Variants in CCDC171 observed in about 807,000 individuals in gnomAD.
CCDC171 encodes coiled-coil domain-containing protein 171.
Under a neutral mutation model 168.2 loss-of-function variants are expected in CCDC171, and 177 were observed. The ratio of observed to expected loss-of-function variants is 1.05; its 90% CI spans 0.93 to 1.19. CCDC171 has a LOEUF of 1.19. Ranked by LOEUF, CCDC171 falls within the 50% of genes most tolerant of loss-of-function variation. The pLI, the probability that CCDC171 is intolerant of heterozygous loss-of-function variation, is 0.00. For synonymous variants in CCDC171, 687 were observed against 540.8 expected (o/e 1.27, Z -3.75); for missense variants, 1,991 against 1,539.0 (o/e 1.29, Z -4.91).
At chr9:15,923,829 G>A (rs1825610104) in intron 25 of CCDC171, among the ~76,000 whole-genome samples, 2 of 151,308 alleles carry the variant, frequency 1.3e-5, no homozygotes, top group South Asian at 4.1e-4. Context: ...GAAGTAGGTG[G>A]TTATTGTTAT....
chr9:15,600,160 C>A (rs2042723584), intron 6 of CCDC171, among the ~76,000 whole-genome samples: 1 of 152,160 alleles, frequency 6.6e-6, no homozygotes, highest in South Asian at 2.1e-4. Flanking sequence ...CTCCATCCAG[C>A]TTTGGTCTTT....
intron 25 of CCDC171, among the ~76,000 whole-genome samples, chr9:15,936,211 C>G (rs573959168): frequency 6.6e-6 from 1 of 151,880 alleles, no homozygotes; most frequent in Non-Finnish European, 1.5e-5. Flanking sequence ...GCCTTCTTTT[C>G]TTTTTTCTTT....
At chr9:16,069,133 T>C in the CCDC171 span, among the ~76,000 whole-genome samples, 1 of 152,336 alleles carries the variant, frequency 6.6e-6, no homozygotes, top group East Asian at 1.9e-4. Flanking sequence ...TACACTTTTA[T>C]TACACTGGCG....
intron 23 of CCDC171, among the ~76,000 whole-genome samples, chr9:15,854,919 A>C (rs187463910): frequency 6.6e-6 from 1 of 151,768 alleles, no homozygotes; most frequent in Non-Finnish European, 1.5e-5. Context: ...ATGGAGTTAT[A>C]CTTTAATTTT....
intron 25 of CCDC171, among the ~76,000 whole-genome samples, chr9:15,958,446 C>A (rs574258383): frequency 6.6e-6 from 1 of 151,130 alleles, no homozygotes; most frequent in South Asian, 2.1e-4. Context: ...CAGGTCTAAG[C>A]AAACATAAGA....
chr9:15,557,427 T>C (rs533835101), intron 1 of CCDC171, among the ~76,000 whole-genome samples: 16 of 152,236 alleles, frequency 1.1e-4, no homozygotes, highest in Non-Finnish European at 2.2e-4. Context: ...TGAGCAGTGG[T>C]TTGTAGTTCT....
At chr9:15,667,027 G>T (rs754574623) in intron 9 of CCDC171, among the ~76,000 whole-genome samples, 2 of 152,136 alleles carry the variant, frequency 1.3e-5, no homozygotes, top group Non-Finnish European at 2.9e-5. Context: ...CTAAACAAGA[G>T]TAAGGACATA....
rs570153787 is a variant in CCDC171 at position 16,012,169 on chromosome 9, C to A, written n.369-8420C>A. Among the ~76,000 whole-genome samples the A allele has an allele frequency of 9.2e-5, 14 of 152,304 alleles. No homozygotes were observed. The South Asian group carries it at 2.7e-3, about 29-fold the overall frequency. On this transcript the variant is annotated intron_variant and non_coding_transcript_variant, in intron 3 of 9. Coordinates refer to the CCDC171 transcript ENST00000486641. ...GCTGCCCAAGGAGGGTTCTTTAAGACTGAAGGAGTGTGTCTCATGTGTGGC... is the reference window on the plus strand; with the variant it reads ...GCTGCCCAAGGAGGGTTCTTTAAGAATGAAGGAGTGTGTCTCATGTGTGGC...
intron 24 of CCDC171, among the ~76,000 whole-genome samples, chr9:15,899,294 G>T (rs749471448): frequency 1.3e-5 from 2 of 152,132 alleles, no homozygotes; most frequent in Non-Finnish European, 2.9e-5. Flanking sequence ...AAGTTGCATT[G>T]AACATTTTTA....
In CCDC171 at chr9:15,657,225, A is replaced by G. The variant is rs775591360; in HGVS notation, c.915+6A>G. The stretch of plus-strand genomic sequence containing the variant: ...TTAATTCTGAAATTATTCAGGTAAA[A>G]TGTAAACAAATATTTTGGCCTGCAT... On this transcript the variant is annotated splice_donor_region_variant and intron_variant, in intron 8 of 25. Transcript: ENST00000380701. 2.6e-6 allele frequency: 4 copies of G among 1,565,720 alleles called. No individual in the cohort carries two copies. In the African/African-American group the frequency reaches 5.4e-5, roughly 21 times the overall value.
At chr9:15,689,482 G>A (rs906391398) in intron 10 of CCDC171, among the ~76,000 whole-genome samples, 9 of 152,130 alleles carry the variant, frequency 5.9e-5, no homozygotes, top group Admixed American at 4.6e-4. Flanking sequence ...AAGCCGAGGC[G>A]GGCAGATCAC....
At chr9:15,798,448 C>G (rs966836484) in intron 21 of CCDC171, among the ~76,000 whole-genome samples, 2 of 151,494 alleles carry the variant, frequency 1.3e-5, no homozygotes, top group African/African-American at 4.8e-5. Flanking sequence ...TAAAATTTTA[C>G]TTTAAGTTCT....
chr9:15,697,673 A>T (rs1034938922), intron 11 of CCDC171, among the ~76,000 whole-genome samples: 1 of 152,176 alleles, frequency 6.6e-6, no homozygotes, highest in African/African-American at 2.4e-5. Flanking sequence ...ATGTCAAAAA[A>T]TCCACATACC....
intron 25 of CCDC171, among the ~76,000 whole-genome samples, chr9:15,956,126 T>C (rs564738689): frequency 6.6e-6 from 1 of 152,162 alleles, no homozygotes. Context: ...AATTTGCCTT[T>C]ATGTAAAGAA....
chr9:15,888,782 C>T (rs12005062), intron 24 of CCDC171, among the ~76,000 whole-genome samples: 10,600 of 151,964 alleles, frequency 0.07, 841 homozygotes, highest in African/African-American at 0.19. Flanking sequence ...TGAAATTCCA[C>T]ACTCCAGAAT....
rs1480680896 is a variant in CCDC171, at chr9:15,818,803, G to T, written c.3268-27899G>T. Among the ~76,000 whole-genome samples the T allele has an allele frequency of 1.1e-4, 13 of 117,282 alleles. 4 individuals carry two copies. The highest frequency in any genetic ancestry group is 8.9e-4 in the Admixed American group (11 of 12,352). 76.9% of individuals were successfully genotyped at this position (117,282 alleles called of 152,430 possible). A position where few individuals can be genotyped will look rare whatever the true frequency, so the allele number is the denominator to read the frequency against. On this transcript the variant is annotated intron_variant, in intron 21 of 25. Transcript: ENST00000380701. ...TATCTAGGAGAACTTCCCCAATCTA[G>T]CAAGGCAGGCCAACATTCAAATTCA...
chr9:15,582,231 T>G (rs1405196050), intron 4 of CCDC171, among the ~76,000 whole-genome samples: 1 of 152,182 alleles, frequency 6.6e-6, no homozygotes, highest in South Asian at 2.1e-4. Flanking sequence ...CAATGAGTTG[T>G]CATCTCACAC....
intron 1 of CCDC171, among the ~76,000 whole-genome samples, chr9:16,045,823 C>G (rs535476662): frequency 6.6e-6 from 1 of 152,300 alleles, no homozygotes; most frequent in East Asian, 1.9e-4. Context: ...TCCCATTAAC[C>G]TGGTGATCTC....
At chr9:15,740,395 T>A (rs1003492980) in intron 16 of CCDC171, among the ~76,000 whole-genome samples, 28 of 146,514 alleles carry the variant, frequency 1.9e-4, no homozygotes, top group African/African-American at 7.1e-4. Flanking sequence ...TTTTTTTTTT[T>A]ATGTACAAAT....
Sources: allele counts gnomAD v4.1 joint callset (sites outside exome capture counted in the v4.1 genomes callset), GRCh38; gene constraint gnomAD v4.1.1; transcripts MANE v1.5; gene names NCBI Gene and HGNC (gene_info 2026-07-23, HGNC 2026-07-21).